ZDHHC15: variants seen among roughly 807,000 people sequenced by gnomAD.
ZDHHC15 encodes the protein palmitoyltransferase ZDHHC15.
A neutral mutation model predicts 31.7 loss-of-function variants in ZDHHC15; 19 were observed. The observed-to-expected ratio is 0.60, with a 90% confidence interval of 0.42 to 0.88. ZDHHC15 has a LOEUF of 0.88. Ranked by LOEUF, ZDHHC15 falls within the 40% of genes least tolerant of loss-of-function variation. ZDHHC15 has a pLI of 0.00. For missense variants in ZDHHC15, 209 were observed against 251.2 expected (o/e 0.83, Z 1.14); for synonymous variants, 103 against 90.0 (o/e 1.14, Z -0.82).
chrX:75,378,672 T>A (rs1478657228), intron 11 of ZDHHC15, among the ~76,000 whole-genome samples: 2 of 111,465 alleles, frequency 1.8e-5, no homozygotes, highest in Non-Finnish European at 3.8e-5. Context: ...ACTCATAGCA[T>A]TTTAGGAGGG....
intron 8 of ZDHHC15, among the ~76,000 whole-genome samples, chrX:75,423,545 C>T (rs1026717077): frequency 5.8e-5 from 6 of 102,705 alleles, no homozygotes; most frequent in Admixed American, 3.4e-4. Context: ...GTTATGGCTG[C>T]GTAGCATTCC....
At chrX:75,504,234 T>C (rs1314926115) in intron 2 of ZDHHC15, among the ~76,000 whole-genome samples, 1 of 111,517 alleles carries the variant, frequency 9.0e-6, no homozygotes, top group Non-Finnish European at 1.9e-5. Flanking sequence ...TGTTTGACTA[T>C]GGTTTTCTTA....
At chrX:75,389,521 C>A (rs1176948926) in intron 10 of ZDHHC15, among the ~76,000 whole-genome samples, 1 of 109,352 alleles carries the variant, frequency 9.1e-6, no homozygotes, top group East Asian at 2.9e-4. Flanking sequence ...CCAACTTAGC[C>A]ACAGTAGGAT....
At chrX:75,444,258 C>T (rs1170355946) in intron 4 of ZDHHC15, among the ~76,000 whole-genome samples, 1 of 109,736 alleles carries the variant, frequency 9.1e-6, no homozygotes, top group Non-Finnish European at 1.9e-5. Flanking sequence ...GAAAATGTGG[C>T]ACATATACAC....
At position 75,494,144 on chromosome X, in the gene ZDHHC15, C is replaced by G. The variant is rs780035785; in HGVS notation, c.163+11677G>C. Among the ~76,000 whole-genome samples, 49 of 111,101 alleles carry G rather than the reference C, an allele frequency of 4.4e-4. 1 individual carries two copies. Among genetic ancestry groups the G allele is most frequent in the Non-Finnish European group, 8.3e-4 (44 of 53,001 alleles). On this transcript the variant is annotated intron_variant, in intron 2 of 11. Coordinates refer to ENST00000373367, the MANE Select transcript of ZDHHC15 (RefSeq NM_144969.3). The stretch of plus-strand genomic sequence containing the variant: ...AGCATTCTTATACACCAATAACAGA[C>G]AAACAGAGAGCCAAATCATGAGTGA...
At chrX:75,384,584 T>C in intron 10 of ZDHHC15, 1 of 789,886 alleles carries the variant, frequency 1.3e-6, no homozygotes, top group Non-Finnish European at 1.9e-6. Flanking sequence ...AACAAACAAG[T>C]TAAGGGCAAG....
At chrX:75,494,598 G>T (rs1370506241) in intron 2 of ZDHHC15, among the ~76,000 whole-genome samples, 1 of 111,557 alleles carries the variant, frequency 9.0e-6, no homozygotes, top group African/African-American at 3.3e-5. Context: ...TAGACCAATG[G>T]AACAGAACAG....
chrX:75,479,857 G>A (rs918059971), intron 2 of ZDHHC15, among the ~76,000 whole-genome samples: 1 of 111,777 alleles, frequency 8.9e-6, no homozygotes, highest in African/African-American at 3.3e-5. Context: ...CTTTCTTATG[G>A]CTGAATAGTA....
chrX:75,383,848 C>T (rs4892577), intron 10 of ZDHHC15, among the ~76,000 whole-genome samples: 61,005 of 101,515 alleles, frequency 0.6, 16,974 homozygotes, highest in Middle Eastern at 0.82. Context: ...ATGCCATTCT[C>T]CTGCCTCACC....
intron 9 of ZDHHC15, among the ~76,000 whole-genome samples, chrX:75,417,440 G>T (rs918078657): frequency 9.0e-6 from 1 of 111,565 alleles, no homozygotes; most frequent in African/African-American, 3.3e-5. Flanking sequence ...TTCCCAAAAT[G>T]CCCAGTATGG....
intron 1 of ZDHHC15, among the ~76,000 whole-genome samples, chrX:75,510,064 T>A (rs747694084): frequency 1.8e-5 from 2 of 111,883 alleles, no homozygotes; most frequent in East Asian, 5.6e-4. Flanking sequence ...CTGTTGAAAG[T>A]TAGCTAATCA....
intron 1 of ZDHHC15, among the ~76,000 whole-genome samples, chrX:75,519,814 G>T (rs940526581): frequency 8.9e-6 from 1 of 112,018 alleles, no homozygotes; most frequent in African/African-American, 3.2e-5. Flanking sequence ...TTGCTAATTT[G>T]TTACAAGATT....
intron 3 of ZDHHC15, among the ~76,000 whole-genome samples, chrX:75,458,991 C>CAA (rs775652299): frequency 1.1e-3 from 17 of 15,630 alleles, no homozygotes; most frequent in East Asian, 1.5e-3. Flanking sequence ...GGCACAGAGA[C>CAA]AAAAAAAAAA....
intron 11 of ZDHHC15, among the ~76,000 whole-genome samples, chrX:75,375,829 T>C (rs1260783053): frequency 8.9e-6 from 1 of 112,045 alleles, no homozygotes; most frequent in Non-Finnish European, 1.9e-5. Flanking sequence ...CCTAGGTTGA[T>C]TGCATGTCTT....
At chrX:75,400,031 A>C (rs1308701568) in intron 10 of ZDHHC15, among the ~76,000 whole-genome samples, 1 of 111,820 alleles carries the variant, frequency 8.9e-6, no homozygotes, top group East Asian at 2.8e-4. Flanking sequence ...ATGAGAAAAA[A>C]ACCAATGCAA....
intron 4 of ZDHHC15, among the ~76,000 whole-genome samples, chrX:75,434,519 G>A (rs1314515825): frequency 8.9e-6 from 1 of 111,902 alleles, no homozygotes; most frequent in East Asian, 2.8e-4. Flanking sequence ...TTTTGTATAT[G>A]GTGATAAATG....
intron 4 of ZDHHC15, among the ~76,000 whole-genome samples, chrX:75,446,065 T>C (rs1480766600): frequency 1.8e-5 from 2 of 111,772 alleles, no homozygotes; most frequent in African/African-American, 6.5e-5. Context: ...TGAAGACACG[T>C]ACTACACTCC....
intron 1 of ZDHHC15, among the ~76,000 whole-genome samples, chrX:75,518,806 T>TATATATAC (rs2085403771): frequency 4.4e-5 from 1 of 22,898 alleles, no homozygotes; most frequent in African/African-American, 1.8e-4. Context: ...TATATATATA[T>TATATATAC]ACACACACAC....
At chrX:75,505,398 A>G (rs2085142872) in intron 2 of ZDHHC15, among the ~76,000 whole-genome samples, 1 of 111,306 alleles carries the variant, frequency 9.0e-6, no homozygotes, top group Non-Finnish European at 1.9e-5. Context: ...TGAGGAGCAG[A>G]GAGGAGCACA....
Sources: allele counts gnomAD v4.1 joint callset (sites outside exome capture counted in the v4.1 genomes callset), GRCh38; gene constraint gnomAD v4.1.1; transcripts MANE v1.5; gene names NCBI Gene and HGNC (gene_info 2026-07-23, HGNC 2026-07-21).